The following CFAP92 variants were observed in gnomAD, a reference collection of about 807,000 sequenced individuals.
CFAP92 encodes uncharacterized protein CFAP92.
In CFAP92, 86 loss-of-function variants were observed where a neutral mutation model predicts 106.3. The observed-to-expected ratio is 0.81, with a 90% confidence interval of 0.68 to 0.97. CFAP92 has a LOEUF of 0.97. Among genes scored for constraint, CFAP92 ranks in the 50% least tolerant of loss-of-function variants. The pLI, the probability that CFAP92 is intolerant of heterozygous loss-of-function variation, is 0.00. For missense variants in CFAP92, 1,204 were observed against 1,283.8 expected (o/e 0.94, Z 0.95); for synonymous variants, 477 against 506.4 (o/e 0.94, Z 0.78).
the CFAP92 span, among the ~76,000 whole-genome samples, chr3:129,017,633 G>A: frequency 4.6e-5 from 7 of 152,184 alleles, no homozygotes; most frequent in African/African-American, 1.2e-4. Flanking sequence ...AGCCAGCAAC[G>A]ACCTGCCCCA....
intron 11 of CFAP92, 74 bp from the exon 12 acceptor site, chr3:128,933,071 G>C: frequency 1.5e-6 from 2 of 1,371,278 alleles, no homozygotes; most frequent in African/African-American, 1.4e-5. Flanking sequence ...CCATCCTACA[G>C]CAGGAAATGA....
chr3:128,925,751 C>T (rs1937601062), intron 12 of CFAP92, among the ~76,000 whole-genome samples: 4 of 152,048 alleles, frequency 2.6e-5, no homozygotes, highest in South Asian at 2.1e-4. Flanking sequence ...CACCTACAAA[C>T]ATCATCATAA....
At chr3:129,013,854 C>T in the CFAP92 span, among the ~76,000 whole-genome samples, 3 of 152,196 alleles carry the variant, frequency 2.0e-5, no homozygotes, top group African/African-American at 7.2e-5. Context: ...TACTTGTGGG[C>T]AATGATGGCA....
At chr3:128,943,792 C>A (rs1254953623) in intron 10 of CFAP92, among the ~76,000 whole-genome samples, 1 of 152,132 alleles carries the variant, frequency 6.6e-6, no homozygotes, top group Non-Finnish European at 1.5e-5. Flanking sequence ...CCGCCTCAGC[C>A]TCCCAAAGTG....
At chr3:128,949,511 C>G (rs1423714537) in intron 9 of CFAP92, among the ~76,000 whole-genome samples, 1 of 152,146 alleles carries the variant, frequency 6.6e-6, no homozygotes, top group Non-Finnish European at 1.5e-5. Flanking sequence ...ACACAGAGCC[C>G]CATTTACATG....
the CFAP92 span, among the ~76,000 whole-genome samples, chr3:129,020,515 T>A: frequency 2.0e-5 from 3 of 152,132 alleles, no homozygotes; most frequent in African/African-American, 7.2e-5. Flanking sequence ...CCTGCACCTG[T>A]GGTCCCAGCT....
chr3:128,976,955 C>T, intron 6 of CFAP92, 24 bp downstream of exon 6: 1 of 1,599,694 alleles, frequency 6.3e-7, no homozygotes, highest in Non-Finnish European at 8.6e-7. Context: ...ACTCCCACCA[C>T]CCAAAATATC....
intron 9 of CFAP92, among the ~76,000 whole-genome samples, chr3:128,953,433 T>C (rs1666421745): frequency 6.6e-6 from 1 of 152,072 alleles, no homozygotes; most frequent in African/African-American, 2.4e-5. Flanking sequence ...GAGAATGGCA[T>C]GAACCCAGGA....
At chr3:128,937,332 A>AAAC (rs796582752) in intron 10 of CFAP92, among the ~76,000 whole-genome samples, 87 of 143,580 alleles carry the variant, frequency 6.1e-4, no homozygotes, top group African/African-American at 2.2e-3. Flanking sequence ...AAAAAAAAAA[A>AAAC]CCACGCGTAG....
chr3:128,934,446 C>T (rs568251502), intron 11 of CFAP92, among the ~76,000 whole-genome samples: 55 of 151,942 alleles, frequency 3.6e-4, no homozygotes, highest in Admixed American at 7.2e-4. Flanking sequence ...CTCGAACTGC[C>T]GACCTCAGGT....
the CFAP92 span, among the ~76,000 whole-genome samples, chr3:129,013,173 G>A: frequency 6.8e-4 from 103 of 152,274 alleles, no homozygotes; most frequent in Middle Eastern, 0.01. Context: ...GGACACAAGG[G>A]GGTGGGCATC....
At chr3:128,933,931 C>T (rs1379841532) in intron 11 of CFAP92, among the ~76,000 whole-genome samples, 1 of 151,312 alleles carries the variant, frequency 6.6e-6, no homozygotes, top group Non-Finnish European at 1.5e-5. Context: ...ATCCAGCAAG[C>T]ACTAGCTAGG....
the CFAP92 span, among the ~76,000 whole-genome samples, chr3:129,026,261 A>T: frequency 6.6e-6 from 1 of 152,234 alleles, no homozygotes; most frequent in African/African-American, 2.4e-5. Flanking sequence ...AGTCCACCCC[A>T]GGCAGCCTGT....
At chr3:128,989,019 C>T (rs1944041867) in intron 2 of CFAP92, 101 bp from the exon 3 acceptor site, 7 of 871,734 alleles carry the variant, frequency 8.0e-6, no homozygotes, top group East Asian at 7.9e-5. Flanking sequence ...AGGCTGAGCA[C>T]TCCACATTGC....
chr3:128,973,174 A>G (rs1313477465), intron 7 of CFAP92, among the ~76,000 whole-genome samples: 1 of 152,256 alleles, frequency 6.6e-6, no homozygotes, highest in Non-Finnish European at 1.5e-5. Context: ...CAAAGCTGGC[A>G]GATCAGTAAG....
chr3:129,020,977 A>G, the CFAP92 span, among the ~76,000 whole-genome samples: 35 of 152,198 alleles, frequency 2.3e-4, no homozygotes, highest in African/African-American at 7.9e-4. Context: ...GCCTCATGAG[A>G]GCTGGGAGGG....
intron 9 of CFAP92, among the ~76,000 whole-genome samples, chr3:128,953,371 C>A (rs529616966): frequency 6.6e-6 from 1 of 151,966 alleles, no homozygotes; most frequent in Non-Finnish European, 1.5e-5. Flanking sequence ...AAAAATTAGC[C>A]GGGCGTGGTG....
chr3:128,924,474 C>T (rs1825640), intron 12 of CFAP92, among the ~76,000 whole-genome samples: 32,159 of 110,192 alleles, frequency 0.29, 4,527 homozygotes, highest in East Asian at 0.62. Flanking sequence ...GACAGAGTTT[C>T]GCTCTTGTTG....
chr3:128,923,197 C>T (rs1345306672), intron 12 of CFAP92, among the ~76,000 whole-genome samples: 1 of 152,160 alleles, frequency 6.6e-6, no homozygotes, highest in African/African-American at 2.4e-5. Context: ...TGTGTACGAC[C>T]ATGGAACAGG....
Sources: allele counts gnomAD v4.1 joint callset (sites outside exome capture counted in the v4.1 genomes callset), GRCh38; gene constraint gnomAD v4.1.1; transcripts MANE v1.5; gene names NCBI Gene and HGNC (gene_info 2026-07-23, HGNC 2026-07-21).